The following MCTS1 variants were observed in gnomAD, a reference collection of about 807,000 sequenced individuals.
The protein encoded by MCTS1 is MCTS1 re-initiation and release factor, also known as malignant T-cell-amplified sequence 1.
For synonymous variants in MCTS1, 26 were observed against 40.8 expected, an observed-to-expected ratio of 0.64 and a Z score of 1.38; for missense variants, 55 against 128.6, an observed-to-expected ratio of 0.43 and a Z score of 2.77.
chrX:120,610,637 G>C (rs914793462), intron 4 of MCTS1, among the ~76,000 whole-genome samples: 2 of 112,319 alleles, frequency 1.8e-5, no homozygotes, highest in Non-Finnish European at 3.8e-5. Context: ...ATCCCCACTA[G>C]TCAGTGATCA....
chrX:120,611,327 G>C (rs969320238), intron 5 of MCTS1: 6 of 261,158 alleles, frequency 2.3e-5, no homozygotes, highest in Non-Finnish European at 4.1e-5. Context: ...ATGTGTGTAC[G>C]TGGTACTTTA....
rs1486569760 is a variant in MCTS1, at chrX:120,618,716, CAGT to C, written c.*6455_*6457del. ...TCATGGCTTTATTCAGTTTCAAAAA[CAGT>C]AGGGGCTAAAATGTTTGGACATTTA... On this transcript the variant is annotated 3_prime_UTR_variant, in exon 6 of 6. Coordinates refer to ENST00000371317, the MANE Select transcript of MCTS1 (RefSeq NM_014060.3). Among the ~76,000 whole-genome samples, 3 of 112,380 alleles carry C rather than the reference CAGT, an allele frequency of 2.7e-5. No homozygotes were observed. The East Asian group carries it at 8.3e-4, about 31-fold the overall frequency.
In MCTS1 at chrX:120,618,504, G is replaced by A. The variant is rs185857107; in HGVS notation, c.*6240G>A. On this transcript the variant is annotated 3_prime_UTR_variant, in exon 6 of 6. Coordinates refer to ENST00000371317, the MANE Select transcript of MCTS1 (RefSeq NM_014060.3). The stretch of plus-strand genomic sequence containing the variant: ...GGATTAAGAAAAAGTTTTCTTTTGC[G>A]TGACTAAATTCTTTCCACAGTTTGC... Among the ~76,000 whole-genome samples, 11 of 112,145 alleles carry A rather than the reference G, an allele frequency of 9.8e-5. No homozygotes were observed. Among genetic ancestry groups the A allele is most frequent in the East Asian group, 5.6e-4 (2 of 3,594 alleles).
At chrX:120,608,547 C>A in intron 4 of MCTS1, 189 bp downstream of exon 4, 1 of 413,156 alleles carries the variant, frequency 2.4e-6, no homozygotes, top group Non-Finnish European at 3.7e-6. Flanking sequence ...TAAATTATCT[C>A]ATCTTAGGTC....
Position 120,614,093 on chromosome X carries a change from C to T in MCTS1, c.*1829C>T, listed in dbSNP as rs1457575478. 1.8e-5 allele frequency among the ~76,000 whole-genome samples: 2 copies of T among 112,045 alleles called. No homozygotes were observed. Among genetic ancestry groups the T allele is most frequent in the Non-Finnish European group, 3.8e-5 (2 of 53,228 alleles). ...GGGTGGATAGCAAAAAGAGAGAGAT[C>T]ATTTGGCTGGCTGTTCCAGCTGGGT... is the stretch of plus-strand genomic sequence containing the variant. On this transcript the variant is annotated 3_prime_UTR_variant, in exon 6 of 6. Transcript: ENST00000371317.
chrX:120,607,712 G>T (rs1216453357), intron 3 of MCTS1, among the ~76,000 whole-genome samples: 2 of 111,344 alleles, frequency 1.8e-5, no homozygotes, highest in Non-Finnish European at 1.9e-5. Context: ...CCAAATACAT[G>T]TCAAGTATCT....
chrX:120,604,971 G>C, intron 1 of MCTS1: 2 of 867,303 alleles, frequency 2.3e-6, no homozygotes, highest in South Asian at 3.5e-5. Context: ...AGCCTAGCAG[G>C]GGCCGATTTT....
rs1926903993 is a variant in MCTS1 at position 120,617,951 on chromosome X, GC to G, written c.*5689del. On this transcript the variant is annotated 3_prime_UTR_variant, in exon 6 of 6. Coordinates refer to ENST00000371317, the MANE Select transcript of MCTS1 (RefSeq NM_014060.3). ...CAATTGCCTTTTTGGTTCATGGGAA[GC>G]CATACTGCGGTGGCTTCCAAGGTTG... Among the ~76,000 whole-genome samples, 1 of 112,379 alleles carries G rather than the reference GC, an allele frequency of 8.9e-6. No homozygotes were observed. The highest frequency in any genetic ancestry group is 3.7e-4 in the South Asian group (1 of 2,720).
Position 120,618,534 on chromosome X carries a change from G to A in MCTS1, c.*6270G>A, listed in dbSNP as rs1309736934. ...TAAATTCTTTCCACAGTTTGCTTGT[G>A]TAAGCATTTTAGATTTAAGCAAGTT... is the stretch of plus-strand genomic sequence containing the variant. On this transcript the variant is annotated 3_prime_UTR_variant, in exon 6 of 6. Transcript: ENST00000371317. Among the ~76,000 whole-genome samples, 1 of 112,137 alleles carries A rather than the reference G, an allele frequency of 8.9e-6. No individual in the cohort carries two copies. Among genetic ancestry groups the A allele is most frequent in the African/African-American group, 3.2e-5 (1 of 30,907 alleles).
rs920318798 is a variant in MCTS1 at position 120,619,137 on chromosome X, T to G, written c.*6873T>G. ...TTCTTAAAAATAGTTTTTAAAAAGC[T>G]GTTTCAGGAAAAGCTGTTTTATTGC... On this transcript the variant is annotated 3_prime_UTR_variant, in exon 6 of 6. Coordinates refer to ENST00000371317, the MANE Select transcript of MCTS1 (RefSeq NM_014060.3). 1.8e-5 allele frequency among the ~76,000 whole-genome samples: 2 copies of G among 112,274 alleles called. No homozygotes were observed. Among genetic ancestry groups the G allele is most frequent in the African/African-American group, 3.2e-5 (1 of 30,934 alleles).
intron 5 of MCTS1, 135 bp downstream of exon 5, chrX:120,611,213 A>G (rs1312326405): frequency 5.7e-6 from 3 of 526,053 alleles, no homozygotes; most frequent in African/African-American, 2.3e-5. Context: ...TTCATTTCTG[A>G]TATTTCCTAA....
At chrX:120,611,123 C>G (rs768988189) in intron 5 of MCTS1, 45 bp downstream of exon 5, 8 of 1,117,267 alleles carry the variant, frequency 7.2e-6, no homozygotes, top group Non-Finnish European at 7.4e-6. Flanking sequence ...ATATGGGTAA[C>G]CAACCCAGGA....
rs755328834 is a variant in MCTS1, at chrX:120,615,639, G to A, written c.*3375G>A. The stretch of plus-strand genomic sequence containing the variant: ...ATATTCCATAGATTGTATCCAATGT[G>A]AGGGTAAAAAAAAAATCCCAGATGT... On this transcript the variant is annotated 3_prime_UTR_variant, in exon 6 of 6. Coordinates refer to ENST00000371317, the MANE Select transcript of MCTS1 (RefSeq NM_014060.3). 3.6e-5 allele frequency among the ~76,000 whole-genome samples: 4 copies of A among 110,841 alleles called. No individual in the cohort carries two copies. Among genetic ancestry groups the A allele is most frequent in the Non-Finnish European group, 7.6e-5 (4 of 52,940 alleles).
At chrX:120,611,239 T>C in intron 5 of MCTS1, 161 bp downstream of exon 5, 3 of 447,020 alleles carry the variant, frequency 6.7e-6, no homozygotes, top group Non-Finnish European at 1.1e-5. Flanking sequence ...AGGAAGCCAA[T>C]GAAACCTATT....
rs1926902560 is a variant in MCTS1, at chrX:120,617,871, A to G, written c.*5607A>G. Among the ~76,000 whole-genome samples the G allele has an allele frequency of 8.9e-6, 1 of 112,845 alleles. No individual in the cohort carries two copies. The highest frequency in any genetic ancestry group is 3.2e-5 in the African/African-American group (1 of 31,100). The stretch of plus-strand genomic sequence containing the variant: ...TAAATCATTTGTTCTAACTAAGCAC[A>G]TGCTTGGAAAAAGTGCTATTTTTCC... On this transcript the variant is annotated 3_prime_UTR_variant, in exon 6 of 6. Transcript: ENST00000371317.
At chrX:120,606,993 T>G (rs1195018490) in intron 3 of MCTS1, among the ~76,000 whole-genome samples, 1 of 104,716 alleles carries the variant, frequency 9.5e-6, no homozygotes, top group Non-Finnish European at 1.9e-5. Flanking sequence ...CATTTTCATC[T>G]TTTATATTTG....
chrX:120,608,029 G>T (rs1315494263), intron 3 of MCTS1, among the ~76,000 whole-genome samples, 196 bp from the exon 4 acceptor site: 1 of 111,135 alleles, frequency 9.0e-6, no homozygotes, highest in Non-Finnish European at 1.9e-5. Flanking sequence ...CTGTACTCCA[G>T]CCTGGGTGGC....
Position 120,604,201 on chromosome X carries a change from G to C in MCTS1, c.-36G>C. On this transcript the variant is annotated 5_prime_UTR_variant, in exon 1 of 6. Transcript: ENST00000371317. ...CAAATTCAATTTCTTTCCCATTCCG[G>C]GCCCTTCCCTATCGTCGCCCCCTTC... is the stretch of plus-strand genomic sequence containing the variant. 1 of 1,206,339 alleles carries C rather than the reference G, an allele frequency of 8.3e-7. No homozygotes were observed. Among genetic ancestry groups the C allele is most frequent in the Non-Finnish European group, 1.1e-6 (1 of 892,344 alleles).
intron 1 of MCTS1, chrX:120,604,585 G>C (rs1338029551): frequency 1.3e-6 from 1 of 766,174 alleles, no homozygotes; most frequent in East Asian, 3.8e-5. Context: ...CTGTAGCTGA[G>C]AGGGGAGCCC....
Sources: gnomAD v4.1 joint callset for allele counts (sites outside exome capture counted in the v4.1 genomes callset) on GRCh38, gnomAD v4.1.1 for gene constraint, MANE v1.5 for transcripts, NCBI Gene and HGNC (gene_info 2026-07-23, HGNC 2026-07-21) for gene names.